The following MYOF variants were observed in gnomAD, a reference collection of about 807,000 sequenced individuals.
MYOF encodes fer-1-like 3, myoferlin.
Under a neutral mutation model 284.2 loss-of-function variants are expected in MYOF, and 244 were observed. The observed-to-expected ratio is 0.86, with a 90% CI of 0.77 to 0.95. The LOEUF (loss-of-function observed/expected upper bound fraction) is 0.95. MYOF is among the 40% of genes least tolerant of loss of function. MYOF has a pLI of 0.00. For missense variants in MYOF, 2,496 were observed against 2,560.6 expected, an observed-to-expected ratio of 0.97 and a Z score of 0.54; for synonymous variants, 904 against 919.7, an observed-to-expected ratio of 0.98 and a Z score of 0.31.
intron 1 of MYOF, among the ~76,000 whole-genome samples, chr10:93,479,333 A>G (rs936199930): frequency 2.0e-5 from 3 of 152,038 alleles, no homozygotes; most frequent in South Asian, 4.1e-4. Flanking sequence ...ACTCCACACT[A>G]TGAAGTGTGT....
chr10:93,319,985 G>A lies in MYOF; in HGVS notation c.5485C>T (p.Gln1829Ter). The change falls in exon 49 of 54, where the codon CAG (glutamine) becomes TAG (stop). Residue 1829 changes from glutamine (Q) to a stop codon, truncating the protein, a stop_gained. Coordinates refer to ENST00000359263, the MANE Select transcript of MYOF (RefSeq NM_013451.4). LOFTEE classifies it high-confidence loss of function. ...GWIPGNEENKQKTDVHYRSLD... is the reference protein window; with the variant it reads ...GWIPGNEENK ...GATCTGTAATGGACATCTGTTTTCT[G>A]TTTGTTTTCTTCATTGCCAGGAATC... 1 of 1,614,156 alleles carries A rather than the reference G, an allele frequency of 6.2e-7. No homozygotes were observed. Among genetic ancestry groups the A allele is most frequent in the Non-Finnish European group, 8.5e-7 (1 of 1,180,002 alleles).
intron 6 of MYOF, among the ~76,000 whole-genome samples, chr10:93,409,287 A>G (rs923573256): frequency 6.6e-6 from 1 of 152,132 alleles, no homozygotes; most frequent in Non-Finnish European, 1.5e-5. Context: ...GCTGCGAAAA[A>G]CACAGTATTT....
At chr10:93,375,533 C>A (rs1845798675) in intron 22 of MYOF, among the ~76,000 whole-genome samples, 1 of 152,208 alleles carries the variant, frequency 6.6e-6, no homozygotes, top group South Asian at 2.1e-4. Flanking sequence ...AATCGTGGCT[C>A]CATTCTTTAC....
At position 93,383,460 on chromosome 10, in the gene MYOF, T is replaced by G. The variant is rs190884890; in HGVS notation, c.1699-2064A>C. 4.6e-5 allele frequency among the ~76,000 whole-genome samples: 7 copies of G among 152,170 alleles called. No homozygotes were observed. In the East Asian group the frequency reaches 9.7e-4, roughly 21 times the overall value. ...TGAGGAAGCTTTGACGGGAGCATTG[T>G]GAGTCTAAAAGCCTCCCTAGCTTAG... On this transcript the variant is annotated intron_variant, in intron 19 of 53. Coordinates refer to ENST00000359263, the MANE Select transcript of MYOF (RefSeq NM_013451.4).
intron 30 of MYOF, 33 bp downstream of exon 30, chr10:93,356,642 A>G: frequency 6.3e-7 from 1 of 1,595,586 alleles, no homozygotes; most frequent in Non-Finnish European, 8.5e-7. Flanking sequence ...CTCTACACCA[A>G]TATGATCTGC....
chr10:93,470,463 C>T (rs11187444), intron 1 of MYOF, among the ~76,000 whole-genome samples: 109,769 of 151,558 alleles, frequency 0.72, 41,169 homozygotes, highest in Non-Finnish European at 0.83. Flanking sequence ...TGCAGTGGCA[C>T]GATCTCGGCT....
Position 93,361,520 on chromosome 10 carries a change from C to G in MYOF, c.2906G>C (p.Cys969Ser), listed in dbSNP as rs998400729. Residue 969 changes from cysteine (C) to serine (S), a missense_variant, in exon 28 of 54, where the codon TGT becomes TCT. Physicochemically the swap from Cys to Ser is moderately radical, Grantham distance 112. Around this residue, in one of 3 missense-constraint regions of MYOF, gnomAD observed 2,436 missense variants for 2,480.7 expected, o/e 0.98. Coordinates refer to ENST00000359263, the MANE Select transcript of MYOF (RefSeq NM_013451.4). Reference protein sequence around the residue: ...DKAASPSELTCPPGWEWEDDA... With the variant: ...DKAASPSELTSPPGWEWEDDA... ...ATCTTCCCATTCCCAACCTGGAGGA[C>G]AAGTCAACTCGCTGGGTGATGCTGC... 4.3e-6 allele frequency: 7 copies of G among 1,614,088 alleles called. No individual in the cohort carries two copies. The highest frequency in any genetic ancestry group is 5.9e-6 in the Non-Finnish European group (7 of 1,180,048).
chr10:93,374,612 C>T, intron 23 of MYOF, 151 bp downstream of exon 23: 2 of 712,880 alleles, frequency 2.8e-6, no homozygotes, highest in African/African-American at 1.8e-5. Context: ...GCATCCTCAG[C>T]CCAGTTACTC....
At position 93,447,300 on chromosome 10, in the gene MYOF, T is replaced by C. The variant is rs544792114; in HGVS notation, c.236+4750A>G. On this transcript the variant is annotated intron_variant, in intron 3 of 53. Coordinates refer to ENST00000359263, the MANE Select transcript of MYOF (RefSeq NM_013451.4). ...TTTTAGTTCCTTCACTTACAGCCCC[T>C]TTACCTCCCTTCCTTAAGGGCATGA... Among the ~76,000 whole-genome samples, 3 of 152,226 alleles carry C rather than the reference T, an allele frequency of 2.0e-5. No individual in the cohort carries two copies. The East Asian group carries it at 5.8e-4, about 29-fold the overall frequency.
intron 2 of MYOF, among the ~76,000 whole-genome samples, chr10:93,453,980 C>T (rs780438943): frequency 2.6e-5 from 4 of 152,058 alleles, no homozygotes; most frequent in Non-Finnish European, 5.9e-5. Flanking sequence ...GTCAGGAGTT[C>T]GAGACCAGCC....
At chr10:93,332,687 T>C (rs531489494) in intron 43 of MYOF, among the ~76,000 whole-genome samples, 1 of 151,684 alleles carries the variant, frequency 6.6e-6, no homozygotes, top group Non-Finnish European at 1.5e-5. Context: ...CTACTAAAAA[T>C]ACAAAAAAAA....
chr10:93,316,646 A>G (rs2133738411), intron 50 of MYOF, 68 bp downstream of exon 50: 1 of 1,389,830 alleles, frequency 7.2e-7, no homozygotes, highest in Non-Finnish European at 1.0e-6. Flanking sequence ...ATTGCTTCCA[A>G]GTTTTCATTG....
At chr10:93,380,032 TAGAC>T (rs1846041451) in intron 20 of MYOF, 45 bp from the exon 21 acceptor site, 1 of 1,591,018 alleles carries the variant, frequency 6.3e-7, no homozygotes, top group Non-Finnish European at 8.6e-7. Context: ...ACACTTAAAA[TAGAC>T]AGCATGTTTA....
chr10:93,379,906 C>A lies in MYOF; in HGVS notation c.1958G>T (p.Arg653Leu). The change falls in exon 21 of 54, where the codon CGC becomes CTC. Residue 653 changes from arginine (R) to leucine (L), a missense_variant. This residue lies in a region of MYOF where 2,436 missense variants were observed against 2,480.7 expected (regional missense o/e 0.98). Coordinates refer to ENST00000359263, the MANE Select transcript of MYOF (RefSeq NM_013451.4). ...TAGGAGAGTGTTCACCGCATCCAGG[C>A]GATGACTAATATCCTCCCAGTATGA... ...LTSYWEDISH[R>L]LDAVNTLLAM... The A allele has an allele frequency of 6.2e-7, 1 of 1,614,054 alleles. No individual in the cohort carries two copies. Among genetic ancestry groups the A allele is most frequent in the Non-Finnish European group, 8.5e-7 (1 of 1,179,972 alleles).
chr10:93,396,142 C>T lies in MYOF; in HGVS notation c.1417G>A (p.Asp473Asn). 1.2e-6 allele frequency: 2 copies of T among 1,604,264 alleles called. No individual in the cohort carries two copies. The highest frequency in any genetic ancestry group is 1.7e-5 in the Admixed American group (1 of 59,362). ...GTTCTAGATCTGTTGAGTGACTTAC[C>T]TTCCACTTCCCCACCAGAGGCAGCA... ...KIAASGGEVE[D>N]FSSSGTGAAS... The change falls in exon 16 of 54, where the codon GAT becomes AAT. Residue 473 changes from aspartate to asparagine, a missense_variant and splice_region_variant. Asp to Asn is a conservative substitution (Grantham distance 23, BLOSUM62 1). This residue lies in a region of MYOF where 2,436 missense variants were observed against 2,480.7 expected (regional missense o/e 0.98). Transcript: ENST00000359263.
chr10:93,392,973 G>A lies in MYOF; in HGVS notation c.1418-18C>T, dbSNP rs1420427108. 1.2e-6 allele frequency: 2 copies of A among 1,603,606 alleles called. No individual in the cohort carries two copies. The highest frequency in any genetic ancestry group is 1.1e-5 in the South Asian group (1 of 90,714). ...TGAGAAATCTATATAGTAAAAATAT[G>A]ACTGGTTAAACAAGAAGAACACGGG... On this transcript the variant is annotated intron_variant, in intron 16 of 53. Transcript: ENST00000359263.
At chr10:93,307,626 T>G (rs1842176435) in intron 53 of MYOF, among the ~76,000 whole-genome samples, 3 of 99,772 alleles carry the variant, frequency 3.0e-5, no homozygotes, top group Middle Eastern at 0.015. Flanking sequence ...ACCAATAGAA[T>G]TTTTTTTTTT....
At chr10:93,359,710 C>G in intron 29 of MYOF, 123 bp downstream of exon 29, 1 of 1,328,190 alleles carries the variant, frequency 7.5e-7, no homozygotes, top group Non-Finnish European at 1.0e-6. Context: ...TTTGAGAACC[C>G]TTGAGTGGAG....
intron 2 of MYOF, among the ~76,000 whole-genome samples, chr10:93,454,953 T>C (rs1040950123): frequency 8.4e-5 from 11 of 130,632 alleles, no homozygotes; most frequent in African/African-American, 3.3e-4. Flanking sequence ...CATTCCAGCC[T>C]GGGTGACAGA....
Sources: gnomAD v4.1 joint callset for allele counts (sites outside exome capture counted in the v4.1 genomes callset) on GRCh38, gnomAD v4.1.1 for gene constraint, gnomAD v4.1.1 regional missense constraint, MANE v1.5 for transcripts, NCBI Gene and HGNC (gene_info 2026-07-23, HGNC 2026-07-21) for gene names.